Variants in ZNF730 observed in about 807,000 individuals in gnomAD.
The protein encoded by ZNF730 is zinc finger protein 730, also known as putative zinc finger protein 730.
In ZNF730, 12 loss-of-function variants were observed where a neutral mutation model predicts 12.6. The ratio of observed to expected loss-of-function variants is 0.95; its 90% CI spans 0.61 to 1.54. The LOEUF (loss-of-function observed/expected upper bound fraction) is 1.54, where lower values mean the gene tolerates loss of function less well. ZNF730 is among the 40% of genes most tolerant of loss of function. The probability of loss-of-function intolerance (pLI) is 0.00; values close to 1 mark genes in which losing one functional copy is unlikely to be tolerated. For synonymous variants in ZNF730, 194 were observed against 195.8 expected, an observed-to-expected ratio of 0.99 and a Z score of 0.08; for missense variants, 643 against 583.5, an observed-to-expected ratio of 1.10 and a Z score of -1.05.
intron 1 of ZNF730, among the ~76,000 whole-genome samples, chr19:23,091,578 T>G (rs186449595): frequency 2.0e-5 from 3 of 152,300 alleles, no homozygotes; most frequent in Admixed American, 2.0e-4. Context: ...GAACCCACCT[T>G]TTGCATCAGC....
chr19:23,095,263 G>A, intron 1 of ZNF730: 1 of 397,276 alleles, frequency 2.5e-6, no homozygotes, highest in Non-Finnish European at 4.4e-6. Context: ...TCTTCCACAG[G>A]GGACATTGTG....
intron 1 of ZNF730, among the ~76,000 whole-genome samples, chr19:23,093,200 T>C (rs1330468469): frequency 6.6e-6 from 1 of 152,196 alleles, no homozygotes. Context: ...GTTCTCGAAC[T>C]CCTGATCTCA....
At chr19:23,127,437 C>T (rs779724192) in intron 1 of ZNF730, 8 of 1,081,300 alleles carry the variant, frequency 7.4e-6, no homozygotes, top group South Asian at 1.3e-5. Flanking sequence ...GTGAATTCTT[C>T]CTTTGTCATT....
At chr19:23,109,809 A>G (rs1970440151) in intron 1 of ZNF730, among the ~76,000 whole-genome samples, 1 of 152,030 alleles carries the variant, frequency 6.6e-6, no homozygotes, top group South Asian at 2.1e-4. Context: ...GGCCTCCCAA[A>G]GTGCTGAGAT....
intron 1 of ZNF730, among the ~76,000 whole-genome samples, chr19:23,090,341 C>T (rs1970136200): frequency 6.6e-6 from 1 of 152,056 alleles, no homozygotes; most frequent in Non-Finnish European, 1.5e-5. Flanking sequence ...AGCAAAGTGA[C>T]TGGTGGCATT....
chr19:23,111,791 C>A (rs901826542), intron 1 of ZNF730, among the ~76,000 whole-genome samples: 6 of 151,748 alleles, frequency 4.0e-5, no homozygotes, highest in Non-Finnish European at 8.8e-5. Context: ...GCAAAACTAA[C>A]TAAATTGACT....
intron 1 of ZNF730, among the ~76,000 whole-genome samples, chr19:23,083,174 C>A (rs979232605): frequency 6.6e-6 from 1 of 151,980 alleles, no homozygotes; most frequent in African/African-American, 2.4e-5. Flanking sequence ...ATCTGTAATT[C>A]CAGCACTTTG....
At chr19:23,112,134 C>G (rs1970467991), upstream of ZNF730, among the ~76,000 whole-genome samples, 1 of 152,140 alleles carries the variant, frequency 6.6e-6, no homozygotes, top group Non-Finnish European at 1.5e-5. Context: ...TTGATAATCT[C>G]ACAACTTAGA....
upstream of ZNF730, among the ~76,000 whole-genome samples, chr19:23,114,477 TTTTATTTTTA>T (rs1470599837): frequency 7.1e-6 from 1 of 141,608 alleles, no homozygotes; most frequent in African/African-American, 2.5e-5. Context: ...CGGCTAATTT[TTTTATTTTTA>T]TTTATTTTTA....
rs773735357 is a variant in ZNF730 at position 23,145,459 on chromosome 19, A to G, written c.415A>G (p.Thr139Ala). The G allele has an allele frequency of 3.8e-6, 6 of 1,571,244 alleles. No homozygotes were observed. In the South Asian group the frequency reaches 5.9e-5, roughly 15 times the overall value. Reference sequence around the variant, plus strand: ...TAATAGACATAACCAGTGTTTGACAACTTCCCATAGCAAAATATTTCAGTG... The same window carrying G: ...TAATAGACATAACCAGTGTTTGACAGCTTCCCATAGCAAAATATTTCAGTG... ...GYNRHNQCLT[T>A]SHSKIFQCDK... The change falls in exon 4 of 4, where the codon ACT becomes GCT. Residue 139 changes from threonine to alanine, a missense_variant. Thr to Ala is a moderately conservative substitution (Grantham distance 58). Transcript: ENST00000597761.
chr19:23,117,868 A>G (rs1447144277), intron 1 of ZNF730, among the ~76,000 whole-genome samples: 1 of 152,204 alleles, frequency 6.6e-6, no homozygotes, highest in Non-Finnish European at 1.5e-5. Context: ...TTACAAAAAA[A>G]TACATTTGAG....
chr19:23,114,467 C>T (rs1599585976), upstream of ZNF730, among the ~76,000 whole-genome samples: 4 of 148,394 alleles, frequency 2.7e-5, no homozygotes, highest in East Asian at 2.0e-4. Flanking sequence ...CCATCACACC[C>T]GGCTAATTTT....
At chr19:23,127,251 C>T (rs1268612442) in intron 1 of ZNF730, 4 of 653,668 alleles carry the variant, frequency 6.1e-6, no homozygotes, top group African/African-American at 3.6e-5. Context: ...CTTCAAGTTT[C>T]TCTTTTTATT....
chr19:23,110,804 G>T (rs1455086296), intron 1 of ZNF730, among the ~76,000 whole-genome samples: 1 of 152,186 alleles, frequency 6.6e-6, no homozygotes. Context: ...TTATAAAACT[G>T]CTAACCCAAG....
At chr19:23,100,389 T>G (rs1446960693) in intron 1 of ZNF730, 1 of 152,166 alleles carries the variant, frequency 6.6e-6, no homozygotes, top group Non-Finnish European at 1.5e-5. Flanking sequence ...GAAGTCGTCT[T>G]TCTGTTCAAA....
At chr19:23,117,690 T>C (rs927499529) in intron 1 of ZNF730, among the ~76,000 whole-genome samples, 1 of 152,208 alleles carries the variant, frequency 6.6e-6, no homozygotes, top group African/African-American at 2.4e-5. Flanking sequence ...GGAAAGACTT[T>C]CATAAGATGC....
At chr19:23,135,616 T>G (rs1970818841) in intron 2 of ZNF730, among the ~76,000 whole-genome samples, 1 of 152,078 alleles carries the variant, frequency 6.6e-6, no homozygotes, top group Non-Finnish European at 1.5e-5. Context: ...GTTCAAGCGA[T>G]TCTCCTGCCT....
intron 1 of ZNF730, chr19:23,123,586 A>G (rs562378243): frequency 1.3e-5 from 2 of 152,134 alleles, no homozygotes; most frequent in South Asian, 4.2e-4. Flanking sequence ...TCAAAAAAAA[A>G]AAAAAAAGAA....
chr19:23,089,537 A>T (rs1970120909), intron 1 of ZNF730, among the ~76,000 whole-genome samples: 2 of 152,100 alleles, frequency 1.3e-5, no homozygotes, highest in Non-Finnish European at 2.9e-5. Flanking sequence ...GTGATATTGA[A>T]TAAGTCTCAC....
Sources: gnomAD v4.1 joint callset for allele counts (sites outside exome capture counted in the v4.1 genomes callset) on GRCh38, gnomAD v4.1.1 for gene constraint, MANE v1.5 for transcripts, NCBI Gene and HGNC (gene_info 2026-07-23, HGNC 2026-07-21) for gene names.